Variants in LRRC58 observed in about 807,000 individuals in gnomAD.
The protein encoded by LRRC58 is leucine rich repeat containing 58, also known as leucine-rich repeat-containing protein 58.
LRRC58 carries 18 observed loss-of-function variants against 30.6 expected under a neutral mutation model. The ratio of observed to expected loss-of-function variants is 0.59; its 90% CI spans 0.41 to 0.87. LRRC58 has a LOEUF of 0.87. Among genes scored for constraint, LRRC58 ranks in the 40% least tolerant of loss-of-function variants. The probability of loss-of-function intolerance (pLI) is 0.00; values close to 1 mark genes in which losing one functional copy is unlikely to be tolerated. For synonymous variants in LRRC58, 221 were observed against 206.0 expected, an observed-to-expected ratio of 1.07 and a Z score of -0.62; for missense variants, 420 against 468.4, an observed-to-expected ratio of 0.90 and a Z score of 0.95.
chr3:120,346,161 G>A (rs1001248986), intron 1 of LRRC58, among the ~76,000 whole-genome samples: 1 of 152,082 alleles, frequency 6.6e-6, no homozygotes, highest in Non-Finnish European at 1.5e-5. Context: ...GGAGGCTGAG[G>A]CAAGAGCATC....
intron 1 of LRRC58, among the ~76,000 whole-genome samples, chr3:120,338,443 C>T (rs1935862400): frequency 6.6e-6 from 1 of 152,204 alleles, no homozygotes; most frequent in Admixed American, 6.5e-5. Context: ...AATAAGTTTA[C>T]ATTTTAGTGA....
chr3:120,348,975 A>C lies in LRRC58; in HGVS notation c.269T>G (p.Leu90Arg). 6.5e-7 allele frequency: 1 copy of C among 1,536,456 alleles called. No individual in the cohort carries two copies. Among genetic ancestry groups the C allele is most frequent in the Non-Finnish European group, 8.7e-7 (1 of 1,145,378 alleles). The change falls in exon 1 of 4, where the codon CTG (leucine) becomes CGG (arginine). Residue 90 changes from leucine to arginine, a missense_variant. By Grantham distance (102) the Leu-to-Arg change is moderately radical. This residue lies in a region of LRRC58 where 266 missense variants were observed against 251.7 expected (regional missense o/e 1.06). Transcript: ENST00000295628. ...GGCCAGCAGCGTGCGCAGGCCGCGC[A>C]GAGCGAGCAGCTCCGGCCCGAGCGC... ...LTALGPELLA[L>R]RGLRTLLAKN... is the part of the protein sequence containing the mutation.
rs1935734072 is a variant in LRRC58 at position 120,330,112 on chromosome 3, G to A, written c.*1088C>T. On this transcript the variant is annotated 3_prime_UTR_variant, in exon 4 of 4. Transcript: ENST00000295628. The stretch of plus-strand genomic sequence containing the variant: ...GGCTTGTTGTGATGTTTTTCTAGTT[G>A]TATTAGTTTTTCTTTAAAAAGTAGA... The A allele has an allele frequency of 1.3e-5, 2 of 151,880 alleles. No individual in the cohort carries two copies. The highest frequency in any genetic ancestry group is 4.8e-5 in the African/African-American group (2 of 41,378). The allele number at this position is 151,880 out of a possible 1,614,324, so 9.4% of individuals were successfully genotyped here.
In LRRC58 at chr3:120,349,080, C is replaced by T; in HGVS notation, c.164G>A (p.Arg55His). 2 of 1,518,398 alleles carry T rather than the reference C, an allele frequency of 1.3e-6. No individual in the cohort carries two copies. The highest frequency in any genetic ancestry group is 1.8e-6 in the Non-Finnish European group (2 of 1,141,800). The allele number at this position is 1,518,398 out of a possible 1,614,324, so 94.1% of individuals were successfully genotyped here. The part of the protein sequence containing the change: ...ALLRLLLPHN[R>H]LVSLPRALGS... ...CAGCGCCCGTGGCAGCGACACCAGA[C>T]GGTTGTGAGGCAGCAGCAGCCGCAG... The change falls in exon 1 of 4, where the codon CGT becomes CAT. Residue 55 changes from arginine (R) to histidine (H), a missense_variant. Physicochemically the swap from Arg to His is conservative, Grantham distance 29. Coordinates refer to ENST00000295628, the MANE Select transcript of LRRC58 (RefSeq NM_001099678.2).
chr3:120,327,164 T>C lies in LRRC58; in HGVS notation c.*4036A>G, dbSNP rs1259176017. 6.6e-6 allele frequency: 1 copy of C among 152,142 alleles called. No individual in the cohort carries two copies. Among genetic ancestry groups the C allele is most frequent in the African/African-American group, 2.4e-5 (1 of 41,432 alleles). 9.4% of individuals were successfully genotyped at this position (152,142 alleles called of 1,614,324 possible). ...AACTTAATTTTAAAACAATTCACTA[T>C]TACTTTAAAGGGCTTTCTAGGCCTA... is the stretch of plus-strand genomic sequence containing the variant. On this transcript the variant is annotated 3_prime_UTR_variant, in exon 4 of 4. Coordinates refer to ENST00000295628, the MANE Select transcript of LRRC58 (RefSeq NM_001099678.2).
At chr3:120,348,564 C>T (rs12485446) in intron 1 of LRRC58, among the ~76,000 whole-genome samples, 180 bp downstream of exon 1, 6,935 of 152,234 alleles carry the variant, frequency 0.046, 365 homozygotes, top group Admixed American at 0.17. Context: ...GTCACACATG[C>T]GAACATACTA....
In LRRC58 at chr3:120,330,384, A is replaced by G. The variant is rs1031286234; in HGVS notation, c.*816T>C. 2.0e-5 allele frequency: 3 copies of G among 152,152 alleles called. No homozygotes were observed. Among genetic ancestry groups the G allele is most frequent in the Admixed American group, 6.5e-5 (1 of 15,274 alleles). The allele number at this position is 152,152 out of a possible 1,614,324, so 9.4% of individuals were successfully genotyped here. On this transcript the variant is annotated 3_prime_UTR_variant, in exon 4 of 4. Coordinates refer to ENST00000295628, the MANE Select transcript of LRRC58 (RefSeq NM_001099678.2). ...TGTTAAGAGGGCCATGAGATCGGAT[A>G]TTAGATACACAGTTATTTACCTAGT...
rs777325896 is a variant in LRRC58, at chr3:120,349,004, C to T, written c.240G>A (p.Leu80=). Residue 80 remains leucine, a synonymous_variant, in exon 1 of 4, where the codon TTG becomes TTA. Coordinates refer to ENST00000295628, the MANE Select transcript of LRRC58 (RefSeq NM_001099678.2). ...LQLLDVSGNA[L]TALGPELLAL... ...CGAGCAGCTCCGGCCCGAGCGCGGT[C>T]AACGCGTTGCCGCTCACGTCCAGCA... 5.9e-6 allele frequency: 9 copies of T among 1,520,756 alleles called. No homozygotes were observed. The highest frequency in any genetic ancestry group is 7.9e-6 in the Non-Finnish European group (9 of 1,141,392). 94.2% of individuals were successfully genotyped at this position (1,520,756 alleles called of 1,614,324 possible).
chr3:120,335,955 T>G lies in LRRC58; in HGVS notation c.501-2A>C, dbSNP rs762168455. 2.6e-6 allele frequency: 4 copies of G among 1,566,746 alleles called. No homozygotes were observed. Among genetic ancestry groups the G allele is most frequent in the Non-Finnish European group, 8.7e-7 (1 of 1,145,806 alleles). ...CCTCCAAGATATAAACACTCTAAAC[T>G]GCAAAAATAAATGAACAAAACCAAA... On this transcript the variant is annotated splice_acceptor_variant, in intron 1 of 3. Coordinates refer to ENST00000295628, the MANE Select transcript of LRRC58 (RefSeq NM_001099678.2). LOFTEE classifies it high-confidence loss of function.
At chr3:120,333,091 C>CAA (rs60534761) in intron 3 of LRRC58, among the ~76,000 whole-genome samples, 4,647 of 84,132 alleles carry the variant, frequency 0.055, 280 homozygotes, top group African/African-American at 0.14. Flanking sequence ...GACTCCGTCT[C>CAA]AAAAAAAAAA....
chr3:120,327,589 CTTCT>C lies in LRRC58; in HGVS notation c.*3607_*3610del, dbSNP rs1207064066. On this transcript the variant is annotated 3_prime_UTR_variant, in exon 4 of 4. Coordinates refer to ENST00000295628, the MANE Select transcript of LRRC58 (RefSeq NM_001099678.2). ...TAACACTCCAGCAATCAGCCTCTTC[CTTCT>C]CTTTTTTCATTTAAATCTGATAGTT... 6.6e-6 allele frequency: 1 copy of C among 152,080 alleles called. No individual in the cohort carries two copies. Among genetic ancestry groups the C allele is most frequent in the Non-Finnish European group, 1.5e-5 (1 of 68,012 alleles). The allele number at this position is 152,080 out of a possible 1,614,324, so 9.4% of individuals were successfully genotyped here.
At chr3:120,345,635 T>C (rs1271387807) in intron 1 of LRRC58, among the ~76,000 whole-genome samples, 1 of 152,194 alleles carries the variant, frequency 6.6e-6, no homozygotes, top group Non-Finnish European at 1.5e-5. Context: ...CATCTGTAAA[T>C]AGAAGGGGAT....
Position 120,329,006 on chromosome 3 carries a change from G to A in LRRC58, c.*2194C>T, listed in dbSNP as rs990623057. On this transcript the variant is annotated 3_prime_UTR_variant, in exon 4 of 4. Coordinates refer to ENST00000295628, the MANE Select transcript of LRRC58 (RefSeq NM_001099678.2). Reference sequence around the variant, plus strand: ...TACATCTGTAAAAGATGAAGCAGTAGACCTTTCTAGGAAGCTGGAAAGGGT... The same window carrying A: ...TACATCTGTAAAAGATGAAGCAGTAAACCTTTCTAGGAAGCTGGAAAGGGT... 2.0e-5 allele frequency: 3 copies of A among 152,088 alleles called. No homozygotes were observed. The highest frequency in any genetic ancestry group is 7.2e-5 in the African/African-American group (3 of 41,404). 9.4% of individuals were successfully genotyped at this position (152,088 alleles called of 1,614,324 possible). A position where few individuals can be genotyped will look rare whatever the true frequency, so the allele number is the denominator to read the frequency against.
chr3:120,342,125 A>G (rs1390006729), intron 1 of LRRC58, among the ~76,000 whole-genome samples: 2 of 152,138 alleles, frequency 1.3e-5, no homozygotes, highest in Non-Finnish European at 2.9e-5. Context: ...GCTGGGGCTG[A>G]GCCTGGGGCA....
rs1391209303 is a variant in LRRC58, at chr3:120,327,543, C to G, written c.*3657G>C. The stretch of plus-strand genomic sequence containing the variant: ...TGCTGGGATTACAAGCGTGAGCCAC[C>G]ACGCCCGGCCAAGATTTCTTTAACA... On this transcript the variant is annotated 3_prime_UTR_variant, in exon 4 of 4. Transcript: ENST00000295628. The G allele has an allele frequency of 6.6e-6, 1 of 152,136 alleles. No homozygotes were observed. The highest frequency in any genetic ancestry group is 2.4e-5 in the African/African-American group (1 of 41,416). The allele number at this position is 152,136 out of a possible 1,614,324, so 9.4% of individuals were successfully genotyped here. A position where few individuals can be genotyped will look rare whatever the true frequency, so the allele number is the denominator to read the frequency against.
intron 1 of LRRC58, among the ~76,000 whole-genome samples, chr3:120,348,308 G>C (rs1936001008): frequency 6.6e-6 from 1 of 152,226 alleles, no homozygotes; most frequent in Non-Finnish European, 1.5e-5. Flanking sequence ...CCACAGAGAA[G>C]AGGAAGCTGC....
intron 1 of LRRC58, among the ~76,000 whole-genome samples, chr3:120,348,351 C>A (rs1172115134): frequency 6.6e-6 from 1 of 152,126 alleles, no homozygotes; most frequent in Non-Finnish European, 1.5e-5. Flanking sequence ...TAGATCAGAG[C>A]ACCTTGTACG....
Position 120,349,211 on chromosome 3 carries a change from G to A in LRRC58, c.33C>T (p.Ala11=), listed in dbSNP as rs758506813. The change falls in exon 1 of 4, where the codon GCC becomes GCT. Residue 11 remains alanine (A), a synonymous_variant. Transcript: ENST00000295628. MEEAGAAVVT[A]GEAELNWSRL... ...GGGACCAGTTCAGTTCGGCCTCCCCGGCCGTGACCACCGCTGCTCCGGCCT... is the reference window on the plus strand; with the variant it reads ...GGGACCAGTTCAGTTCGGCCTCCCCAGCCGTGACCACCGCTGCTCCGGCCT... 6.6e-5 allele frequency: 95 copies of A among 1,436,932 alleles called. No individual in the cohort carries two copies. In the South Asian group the frequency reaches 1.2e-3, roughly 18 times the overall value. 89.0% of individuals were successfully genotyped at this position (1,436,932 alleles called of 1,614,324 possible). A position where few individuals can be genotyped will look rare whatever the true frequency, so the allele number is the denominator to read the frequency against.
chr3:120,341,924 T>C (rs549981556), intron 1 of LRRC58, among the ~76,000 whole-genome samples: 7 of 152,210 alleles, frequency 4.6e-5, no homozygotes, highest in African/African-American at 1.7e-4. Flanking sequence ...GGGGGAGGGC[T>C]GGGAGCAGGC....
Sources: gnomAD v4.1 joint callset for allele counts (sites outside exome capture counted in the v4.1 genomes callset) on GRCh38, gnomAD v4.1.1 for gene constraint, gnomAD v4.1.1 regional missense constraint, MANE v1.5 for transcripts, NCBI Gene and HGNC (gene_info 2026-07-23, HGNC 2026-07-21) for gene names.